AGTPBP1: variants seen among roughly 807,000 people sequenced by gnomAD.
AGTPBP1 encodes the protein ATP/GTP binding carboxypeptidase 1, also known as cytosolic carboxypeptidase 1.
In AGTPBP1, 70 loss-of-function variants were observed where a neutral mutation model predicts 143.9. That is an observed-to-expected ratio of 0.49 (90% CI 0.40 to 0.59). The LOEUF is 0.59. AGTPBP1 is among the 20% of genes least tolerant of loss of function. The probability of loss-of-function intolerance (pLI) is 0.00; values close to 1 mark genes in which losing one functional copy is unlikely to be tolerated. For missense variants in AGTPBP1, 1,229 were observed against 1,464.5 expected (o/e 0.84, Z 2.62); for synonymous variants, 463 against 500.2 (o/e 0.93, Z 0.99).
At chr9:85,762,714 T>C in the AGTPBP1 span, among the ~76,000 whole-genome samples, 22 of 151,374 alleles carry the variant, frequency 1.5e-4, no homozygotes, top group Non-Finnish European at 2.9e-4. Flanking sequence ...GGCACATGTA[T>C]ACATATGTAA....
chr9:85,591,334 G>A (rs565800472), intron 19 of AGTPBP1, among the ~76,000 whole-genome samples: 1 of 152,176 alleles, frequency 6.6e-6, no homozygotes, highest in South Asian at 2.1e-4. Flanking sequence ...TCTGGCTACA[G>A]TCTGGGGTTT....
At chr9:85,563,375 T>C (rs1055886078) in intron 25 of AGTPBP1, among the ~76,000 whole-genome samples, 2 of 152,170 alleles carry the variant, frequency 1.3e-5, no homozygotes, top group African/African-American at 4.8e-5. Flanking sequence ...TTCAGACTTC[T>C]TAAAGAATAC....
At chr9:85,718,401 G>A (rs1837863142) in intron 1 of AGTPBP1, among the ~76,000 whole-genome samples, 1 of 152,140 alleles carries the variant, frequency 6.6e-6, no homozygotes, top group South Asian at 2.1e-4. Flanking sequence ...GTTTTGATTT[G>A]CATTTCTCTG....
intron 13 of AGTPBP1, among the ~76,000 whole-genome samples, chr9:85,634,938 C>T (rs1831938691): frequency 6.6e-6 from 1 of 151,906 alleles, no homozygotes; most frequent in Non-Finnish European, 1.5e-5. Context: ...TGCCAACATT[C>T]GATACTATGG....
At chr9:85,657,359 A>C (rs1280501590) in intron 10 of AGTPBP1, 76 bp downstream of exon 10, 7 of 1,255,990 alleles carry the variant, frequency 5.6e-6, no homozygotes, top group Non-Finnish European at 7.7e-6. Flanking sequence ...GAGTATTTGC[A>C]CACTAATTCA....
chr9:85,639,176 A>C (rs756914328), intron 13 of AGTPBP1, among the ~76,000 whole-genome samples: 1 of 152,164 alleles, frequency 6.6e-6, no homozygotes, highest in Non-Finnish European at 1.5e-5. Flanking sequence ...CTTTTTTAGA[A>C]AGCCAATTTT....
At chr9:85,552,305 G>C (rs1171402251) in intron 25 of AGTPBP1, among the ~76,000 whole-genome samples, 1 of 152,304 alleles carries the variant, frequency 6.6e-6, no homozygotes, top group Non-Finnish European at 1.5e-5. Context: ...ACTTTATGCA[G>C]ATTCAGAAAG....
At chr9:85,693,594 T>A (rs925088231) in intron 2 of AGTPBP1, among the ~76,000 whole-genome samples, 1 of 152,092 alleles carries the variant, frequency 6.6e-6, no homozygotes, top group Non-Finnish European at 1.5e-5. Flanking sequence ...CAAGACTTCA[T>A]CTCAACAACA....
chr9:85,775,131 C>T, the AGTPBP1 span, among the ~76,000 whole-genome samples: 1 of 151,918 alleles, frequency 6.6e-6, no homozygotes, highest in Non-Finnish European at 1.5e-5. Flanking sequence ...GGCGAAACCC[C>T]ATCTCTACAA....
the AGTPBP1 span, among the ~76,000 whole-genome samples, chr9:85,783,668 CTT>C: frequency 3.8e-4 from 58 of 151,844 alleles, no homozygotes; most frequent in African/African-American, 1.3e-3. Flanking sequence ...GAGTTTCACT[CTT>C]GTTACCCAGG....
At chr9:85,549,066 G>T (rs1048262156) in intron 25 of AGTPBP1, among the ~76,000 whole-genome samples, 6 of 152,144 alleles carry the variant, frequency 3.9e-5, no homozygotes, top group Non-Finnish European at 1.5e-5. Flanking sequence ...ATTCTCAGAG[G>T]AGTCCCAGGT....
chr9:85,572,685 C>T (rs533363702), intron 25 of AGTPBP1, among the ~76,000 whole-genome samples: 37 of 152,178 alleles, frequency 2.4e-4, no homozygotes, highest in African/African-American at 8.4e-4. Flanking sequence ...ATCTAAAGCA[C>T]CAGTAACGGT....
At chr9:85,744,772 C>G (rs1824562416), upstream of AGTPBP1, among the ~76,000 whole-genome samples, 1 of 152,186 alleles carries the variant, frequency 6.6e-6, no homozygotes, top group Non-Finnish European at 1.5e-5. Flanking sequence ...TGTAAGTTCC[C>G]TTATCTGTAC....
At position 85,666,113 on chromosome 9, in the gene AGTPBP1, G is replaced by A. The variant is rs188109500; in HGVS notation, c.662+3372C>T. Among the ~76,000 whole-genome samples, 995 of 152,120 alleles carry A rather than the reference G, an allele frequency of 6.5e-3. 5 individuals carry two copies. The highest frequency in any genetic ancestry group is 0.034 in the Middle Eastern group (10 of 294). On this transcript the variant is annotated intron_variant, in intron 8 of 25. Coordinates refer to ENST00000357081, the MANE Select transcript of AGTPBP1 (RefSeq NM_001330701.2). ...GCAACAATAATTCAAAAAGTAGTCT[G>A]TGGCTTAGATTTAGGAGATGTGAAG... is the stretch of plus-strand genomic sequence containing the variant.
the AGTPBP1 span, chr9:85,781,115 G>A: frequency 4.9e-5 from 70 of 1,431,240 alleles, no homozygotes; most frequent in Middle Eastern, 4.9e-4. Context: ...GCAAGACTCC[G>A]TTTCAAAAAG....
the AGTPBP1 span, among the ~76,000 whole-genome samples, chr9:85,783,315 T>G: frequency 6.6e-6 from 1 of 152,236 alleles, no homozygotes; most frequent in Admixed American, 6.5e-5. Flanking sequence ...TATTTTTGAC[T>G]ATAAAAATAA....
the AGTPBP1 span, among the ~76,000 whole-genome samples, chr9:85,747,304 A>C: frequency 6.6e-6 from 1 of 152,232 alleles, no homozygotes; most frequent in Non-Finnish European, 1.5e-5. Flanking sequence ...GAAATCAGGA[A>C]GTAAGTTCTC....
At chr9:85,561,643 G>C (rs569219877) in intron 25 of AGTPBP1, among the ~76,000 whole-genome samples, 2 of 152,020 alleles carry the variant, frequency 1.3e-5, no homozygotes, top group Admixed American at 1.3e-4. Flanking sequence ...AAAATGAAGA[G>C]AAAAAAGAGC....
chr9:85,559,435 TA>T (rs1250141946), intron 25 of AGTPBP1, among the ~76,000 whole-genome samples: 11,948 of 132,074 alleles, frequency 0.09, 527 homozygotes, highest in Middle Eastern at 0.13. Context: ...AAGATGACAG[TA>T]AAAAAAAAAA....
Sources: gnomAD v4.1 joint callset for allele counts (sites outside exome capture counted in the v4.1 genomes callset) on GRCh38, gnomAD v4.1.1 for gene constraint, MANE v1.5 for transcripts, NCBI Gene and HGNC (gene_info 2026-07-23, HGNC 2026-07-21) for gene names.